FMNL1: variants seen among roughly 807,000 people sequenced by gnomAD.
The protein encoded by FMNL1 is formin-like protein 1.
Under a neutral mutation model 121.3 loss-of-function variants are expected in FMNL1, and 43 were observed. That is an observed-to-expected ratio of 0.35 (90% CI 0.28 to 0.46). The LOEUF (loss-of-function observed/expected upper bound fraction) is 0.46. Among genes scored for constraint, FMNL1 ranks in the 20% least tolerant of loss-of-function variants. FMNL1 has a pLI of 1.00. For synonymous variants in FMNL1, 613 were observed against 613.5 expected, an observed-to-expected ratio of 1.00 and a Z score of 0.01; for missense variants, 1,191 against 1,482.4, an observed-to-expected ratio of 0.80 and a Z score of 3.23.
rs2043722006 is a variant in FMNL1, at chr17:45,242,224, G to A, written c.1885+78G>A. 14 of 1,563,340 alleles carry A rather than the reference G, an allele frequency of 9.0e-6. No individual in the cohort carries two copies. The Admixed American group carries it at 2.0e-4, about 23-fold the overall frequency. Reference sequence around the variant, plus strand: ...GGCCTGGGCCTCAGTGTCCTCCAGGGTCCTCTGCCTGGGGGCCTCCTGCTG... The same window carrying A: ...GGCCTGGGCCTCAGTGTCCTCCAGGATCCTCTGCCTGGGGGCCTCCTGCTG... On this transcript the variant is annotated intron_variant, in intron 15 of 26. Coordinates refer to ENST00000331495, the MANE Select transcript of FMNL1 (RefSeq NM_005892.4).
chr17:45,242,811 C>T (rs2043738299), intron 16 of FMNL1, among the ~76,000 whole-genome samples: 2 of 152,250 alleles, frequency 1.3e-5, no homozygotes, highest in South Asian at 4.1e-4. Flanking sequence ...GCCTCTAGGC[C>T]ATTGTTCCAT....
At position 45,246,291 on chromosome 17, in the gene FMNL1, G is replaced by A; in HGVS notation, c.3172G>A (p.Glu1058Lys). Residue 1058 changes from glutamate to lysine, a missense_variant, in exon 25 of 27, where the codon GAG becomes AAG. Glu to Lys is a moderately conservative substitution (Grantham distance 56, BLOSUM62 1). Around this residue, in one of 4 missense-constraint regions of FMNL1, gnomAD observed 367 missense variants for 528.6 expected, o/e 0.69. Transcript: ENST00000331495. ...GCAGCAGAAGGAGCCACTCATTTAT[G>A]AGAGCGACCGTGATGGGGCCATTGA... Reference protein sequence around the residue: ...RRQQKEPLIYESDRDGAIEDI... With the variant: ...RRQQKEPLIYKSDRDGAIEDI... 1 of 1,614,030 alleles carries A rather than the reference G, an allele frequency of 6.2e-7. No homozygotes were observed. Among genetic ancestry groups the A allele is most frequent in the African/African-American group, 1.3e-5 (1 of 75,034 alleles).
chr17:45,240,430 CA>C, intron 11 of FMNL1, 45 bp from the exon 12 acceptor site: 7 of 1,520,182 alleles, frequency 4.6e-6, no homozygotes, highest in Non-Finnish European at 5.3e-6. Flanking sequence ...GACTCCCCCC[CA>C]CACACACACC....
At chr17:45,226,855 A>G (rs1456222944) in intron 1 of FMNL1, among the ~76,000 whole-genome samples, 2 of 152,038 alleles carry the variant, frequency 1.3e-5, no homozygotes, top group African/African-American at 4.8e-5. Context: ...CTGATGGGAG[A>G]AGCTGTTAGC....
rs751584642 is a variant in FMNL1 at position 45,246,599 on chromosome 17, C to T, written c.*3C>T. On this transcript the variant is annotated 3_prime_UTR_variant, in exon 26 of 27. Transcript: ENST00000331495. The stretch of plus-strand genomic sequence containing the variant: ...TGGGAGAAGAGATGCCCCTCTAGCC[C>T]CTCAGGTACCCAGATGACCTGGCCT... 1.3e-6 allele frequency: 2 copies of T among 1,591,692 alleles called. No individual in the cohort carries two copies. Among genetic ancestry groups the T allele is most frequent in the African/African-American group, 1.3e-5 (1 of 74,418 alleles).
At chr17:45,228,970 A>G (rs2043384704) in intron 1 of FMNL1, among the ~76,000 whole-genome samples, 1 of 152,080 alleles carries the variant, frequency 6.6e-6, no homozygotes, top group African/African-American at 2.4e-5. Flanking sequence ...TGACTGAGAG[A>G]CATCATCGAG....
chr17:45,245,875 C>A lies in FMNL1; in HGVS notation c.2995-3C>A. 2 of 1,595,662 alleles carry A rather than the reference C, an allele frequency of 1.3e-6. No individual in the cohort carries two copies. The highest frequency in any genetic ancestry group is 1.7e-6 in the Non-Finnish European group (2 of 1,172,378). ...CCCTCATGGAGACTGCCTTGGCCCA[C>A]AGAAAGCTGAGCAGGAGGTGGAACA... On this transcript the variant is annotated splice_region_variant and splice_polypyrimidine_tract_variant and intron_variant, in intron 23 of 26. Transcript: ENST00000331495.
intron 16 of FMNL1, among the ~76,000 whole-genome samples, chr17:45,242,855 C>T (rs1488418082): frequency 1.3e-5 from 2 of 152,242 alleles, no homozygotes. Context: ...CTTTTCCTTT[C>T]TCCTTTTTAC....
chr17:45,230,741 C>G (rs912189212), intron 2 of FMNL1, 54 bp downstream of exon 2: 38 of 1,579,556 alleles, frequency 2.4e-5, no homozygotes, highest in Non-Finnish European at 2.9e-5. Flanking sequence ...AGTACCCCAC[C>G]CTGACCAGGC....
chr17:45,237,599 G>T lies in FMNL1; in HGVS notation c.854G>T (p.Gly285Val). 6.2e-7 allele frequency: 1 copy of T among 1,614,182 alleles called. No individual in the cohort carries two copies. The highest frequency in any genetic ancestry group is 1.1e-5 in the South Asian group (1 of 91,084). The change falls in exon 9 of 27, where the codon GGA (glycine) becomes GTA (valine). Residue 285 changes from glycine (G) to valine (V), a missense_variant. Coordinates refer to ENST00000331495, the MANE Select transcript of FMNL1 (RefSeq NM_005892.4). This position sits in a 1 kb window ranked among gnomAD's most constrained non-coding sequence, Gnocchi z 4.4. Reference sequence around the variant, plus strand: ...GCGGCCGTGTGCTTGGTGCGGGGAGGACATGACATCATCCTTGCAGCCTTT... The same window carrying T: ...GCGGCCGTGTGCTTGGTGCGGGGAGTACATGACATCATCCTTGCAGCCTTT... ...LLAAVCLVRG[G>V]HDIILAAFDN...
intron 3 of FMNL1, chr17:45,232,957 C>T (rs1380574094): frequency 1.7e-6 from 1 of 596,368 alleles, no homozygotes; most frequent in Non-Finnish European, 3.2e-6. Flanking sequence ...CACACTCTGC[C>T]TCTTTGTGTG....
chr17:45,232,473 A>C lies in FMNL1; in HGVS notation c.320A>C (p.Asn107Thr). 1.9e-6 allele frequency: 3 copies of C among 1,613,924 alleles called. No individual in the cohort carries two copies. Among genetic ancestry groups the C allele is most frequent in the Non-Finnish European group, 2.5e-6 (3 of 1,179,886 alleles). The part of the protein sequence containing the change: ...SRKVAADWMS[N>T]LGFKRRVQES... ...AAGGTAGCAGCTGATTGGATGTCCA[A>C]CCTGGGGGTACATGTCTCCCCTCTT... The change falls in exon 3 of 27, where the codon AAC becomes ACC. Residue 107 changes from asparagine to threonine, a missense_variant. Physicochemically the swap from Asn to Thr is moderately conservative, Grantham distance 65 (BLOSUM62 0). Transcript: ENST00000331495.
At position 45,233,792 on chromosome 17, in the gene FMNL1, C is replaced by G; in HGVS notation, c.485+61C>G. 6.3e-7 allele frequency: 1 copy of G among 1,592,026 alleles called. No individual in the cohort carries two copies. Among genetic ancestry groups the G allele is most frequent in the Non-Finnish European group, 8.6e-7 (1 of 1,166,866 alleles). Reference sequence around the variant, plus strand: ...CAGAGCTTTGATCCCCGTCTCCCTGCATCTCACCCACTCCCCTGGCCAGTT... The same window carrying G: ...CAGAGCTTTGATCCCCGTCTCCCTGGATCTCACCCACTCCCCTGGCCAGTT... On this transcript the variant is annotated intron_variant, in intron 5 of 26. Coordinates refer to ENST00000331495, the MANE Select transcript of FMNL1 (RefSeq NM_005892.4). The surrounding 1 kb of genome is among the most constrained non-coding windows in gnomAD (Gnocchi z 4.1).
intron 22 of FMNL1, 94 bp from the exon 23 acceptor site, chr17:45,245,538 C>T (rs767756193): frequency 1.2e-6 from 2 of 1,601,538 alleles, no homozygotes; most frequent in Non-Finnish European, 1.7e-6. Flanking sequence ...AGGGGCCACC[C>T]TGCCTGGGAG....
rs1555628702 is a variant in FMNL1 at position 45,231,244 on chromosome 17, GT to G, written c.213+558del. On this transcript the variant is annotated intron_variant, in intron 2 of 26. Coordinates refer to ENST00000331495, the MANE Select transcript of FMNL1 (RefSeq NM_005892.4). This position sits in a 1 kb window ranked among gnomAD's most constrained non-coding sequence, Gnocchi z 4.7. Reference sequence around the variant, plus strand: ...CACCCCTCCAGCTTCAAGGGCTGCGGTCGGCCATGGGCCGACCCTCTCCCAG... The same window carrying G: ...CACCCCTCCAGCTTCAAGGGCTGCGGCGGCCATGGGCCGACCCTCTCCCAG... Among the ~76,000 whole-genome samples the G allele has an allele frequency of 2.6e-5, 4 of 151,450 alleles. No homozygotes were observed. Among genetic ancestry groups the G allele is most frequent in the Non-Finnish European group, 5.9e-5 (4 of 68,020 alleles).
In FMNL1 at chr17:45,242,435, C is replaced by T. The variant is rs1168183383; in HGVS notation, c.1980C>T (p.Phe660=). The T allele has an allele frequency of 1.9e-6, 3 of 1,614,000 alleles. No individual in the cohort carries two copies. Among genetic ancestry groups the T allele is most frequent in the Non-Finnish European group, 2.5e-6 (3 of 1,179,948 alleles). Residue 660 remains phenylalanine (F), a synonymous_variant, in exon 16 of 27, where the codon TTC becomes TTT. Coordinates refer to ENST00000331495, the MANE Select transcript of FMNL1 (RefSeq NM_005892.4). ...CCAGCCAGATCACCGGCACTGTCTT[C>T]ACAGAGCTCAATGATGAGAAGGTGC... The part of the protein sequence containing the change: ...LKPSQITGTV[F]TELNDEKVLQ...
chr17:45,243,967 G>A lies in FMNL1; in HGVS notation c.2390G>A (p.Arg797His), dbSNP rs768034689. ...AGCCGCATCCCGCGCCTGCCGGAGC[G>A]CATGACCACACTCACCTTCCTGGGC... ...CFSRIPRLPE[R>H]MTTLTFLGNF... The change falls in exon 18 of 27, where the codon CGC (arginine) becomes CAC (histidine). Residue 797 changes from arginine (R) to histidine (H), a missense_variant. By Grantham distance (29) the Arg-to-His change is conservative (BLOSUM62 0). Coordinates refer to ENST00000331495, the MANE Select transcript of FMNL1 (RefSeq NM_005892.4). 49 of 1,612,856 alleles carry A rather than the reference G, an allele frequency of 3.0e-5. No homozygotes were observed. Among genetic ancestry groups the A allele is most frequent in the Non-Finnish European group, 4.0e-5 (47 of 1,179,966 alleles).
intron 3 of FMNL1, chr17:45,232,844 T>G: frequency 2.6e-6 from 1 of 382,680 alleles, no homozygotes; most frequent in Non-Finnish European, 5.1e-6. Context: ...AGAGAGAGAA[T>G]GTGTGTGTGT....
intron 12 of FMNL1, 87 bp downstream of exon 12, chr17:45,240,712 C>T: frequency 6.7e-7 from 1 of 1,496,582 alleles, no homozygotes; most frequent in East Asian, 2.4e-5. Context: ...GGGCACTGGG[C>T]AGCAGACAGT....
Sources: gnomAD v4.1 joint callset for allele counts (sites outside exome capture counted in the v4.1 genomes callset) on GRCh38, gnomAD v4.1.1 for gene constraint, gnomAD v4.1.1 regional missense constraint, Gnocchi (gnomAD v3.1) non-coding constraint, MANE v1.5 for transcripts, NCBI Gene and HGNC (gene_info 2026-07-23, HGNC 2026-07-21) for gene names.